Variants in CREM observed in about 807,000 individuals in gnomAD.
CREM encodes the protein cAMP responsive element modulator.
In CREM, 13 loss-of-function variants were observed where a neutral mutation model predicts 37.3. That is an observed-to-expected ratio of 0.35 (90% CI 0.23 to 0.55). CREM has a LOEUF of 0.55. Ranked by LOEUF, CREM falls within the 20% of genes least tolerant of loss-of-function variation. The pLI is 0.88. For synonymous variants in CREM, 124 were observed against 120.2 expected (o/e 1.03, Z -0.21); for missense variants, 296 against 362.3 (o/e 0.82, Z 1.49).
At chr10:35,198,665 ACT>A (rs2095290829) in intron 6 of CREM, among the ~76,000 whole-genome samples, 2 of 152,026 alleles carry the variant, frequency 1.3e-5, no homozygotes, top group Admixed American at 1.3e-4. Context: ...TATCTTTTAG[ACT>A]CTGAGTCTGA....
At chr10:35,170,791 TTTC>T (rs1302623477) in intron 3 of CREM, among the ~76,000 whole-genome samples, 1 of 152,116 alleles carries the variant, frequency 6.6e-6, no homozygotes, top group Non-Finnish European at 1.5e-5. Context: ...TCTTCTCTCT[TTTC>T]TTCTTTATTG....
chr10:35,185,181 C>T (rs1229235052), intron 5 of CREM, among the ~76,000 whole-genome samples: 2 of 151,478 alleles, frequency 1.3e-5, no homozygotes, highest in African/African-American at 2.4e-5. Flanking sequence ...CTGCTCACCG[C>T]AACCCCCGCC....
At chr10:35,129,299 TA>T (rs1024596397) in intron 1 of CREM, among the ~76,000 whole-genome samples, 1 of 152,234 alleles carries the variant, frequency 6.6e-6, no homozygotes, top group African/African-American at 2.4e-5. Context: ...CCCTGAAAGT[TA>T]ATGAAATTTA....
intron 3 of CREM, among the ~76,000 whole-genome samples, chr10:35,177,408 A>T (rs1038964553): frequency 1.3e-5 from 2 of 152,158 alleles, no homozygotes; most frequent in Non-Finnish European, 2.9e-5. Flanking sequence ...TGAGGTCCAC[A>T]TATTTCTACT....
At chr10:35,134,725 A>T (rs929053821) in intron 1 of CREM, among the ~76,000 whole-genome samples, 14 of 152,294 alleles carry the variant, frequency 9.2e-5, no homozygotes, top group African/African-American at 3.1e-4. Context: ...AGAAAGCTAT[A>T]TATTGAAGGA....
At position 35,179,193 on chromosome 10, in the gene CREM, G is replaced by A. The variant is rs1181261258; in HGVS notation, c.326G>A (p.Arg109Lys). Residue 109 changes from arginine to lysine, a missense_variant, in exon 5 of 8, where the codon AGA becomes AAA. Physicochemically the swap from Arg to Lys is conservative, Grantham distance 26. Coordinates refer to ENST00000685392, the MANE Select transcript of CREM (RefSeq NM_183011.2). The part of the protein sequence containing the change: ...VPGVPKIEEE[R>K]SEEEGTPPSI... ...GGTGTTCCCAAGATTGAAGAAGAGA[G>A]ATCAGAGGAAGAAGGAACACCACCT... 6.2e-7 allele frequency: 1 copy of A among 1,614,070 alleles called. No individual in the cohort carries two copies. Among genetic ancestry groups the A allele is most frequent in the Admixed American group, 1.7e-5 (1 of 59,998 alleles).
At chr10:35,195,894 T>C in intron 6 of CREM, 1 of 640,486 alleles carries the variant, frequency 1.6e-6, no homozygotes, top group Non-Finnish European at 2.7e-6. Flanking sequence ...TCAGTTCCTT[T>C]CCGCTTTGTA....
At chr10:35,195,492 C>CTCTTCTCTTCCCCTCT (rs1348440430) in intron 6 of CREM, among the ~76,000 whole-genome samples, 2 of 151,978 alleles carry the variant, frequency 1.3e-5, no homozygotes, top group Non-Finnish European at 2.9e-5. Context: ...TCTTCCCCTC[C>CTCTTCTCTTCCCCTCT]TCTTCTCTTC....
Position 35,178,932 on chromosome 10 carries a change from G to A in CREM, c.212G>A (p.Gly71Asp). The A allele has an allele frequency of 6.2e-7, 1 of 1,613,668 alleles. No homozygotes were observed. Among genetic ancestry groups the A allele is most frequent in the South Asian group, 1.1e-5 (1 of 90,914 alleles). The change falls in exon 4 of 8, where the codon GGT becomes GAT. Residue 71 changes from glycine to aspartate, a missense_variant. Gly to Asp is a moderately conservative substitution (Grantham distance 94). This residue lies in a region of CREM where 257 missense variants were observed against 280.2 expected (regional missense o/e 0.92). Coordinates refer to ENST00000685392, the MANE Select transcript of CREM (RefSeq NM_183011.2). ...AETDESAESE[G>D]VIDSHKRREI... ...ACAGATGAATCTGCAGAATCAGAAG[G>A]TGTAATTGATTCTCATAAACGTAGA... is the stretch of plus-strand genomic sequence containing the variant.
intron 1 of CREM, among the ~76,000 whole-genome samples, chr10:35,128,942 A>T (rs1182678380): frequency 6.6e-6 from 1 of 152,208 alleles, no homozygotes; most frequent in African/African-American, 2.4e-5. Context: ...ATTGCACACA[A>T]TATGTTTTGG....
chr10:35,146,835 G>GAT (rs1467057357), intron 2 of CREM, among the ~76,000 whole-genome samples: 1 of 152,078 alleles, frequency 6.6e-6, no homozygotes, highest in Non-Finnish European at 1.5e-5. Flanking sequence ...AAAGGCAGTA[G>GAT]GAAGTCAAAG....
rs373031958 is a variant in CREM at position 35,167,157 on chromosome 10, A to G, written c.169-11732A>G. 5.2e-4 allele frequency among the ~76,000 whole-genome samples: 79 copies of G among 152,310 alleles called. 1 individual carries two copies. In the Middle Eastern group the frequency reaches 0.01, roughly 20 times the overall value. ...CTCCGTCTCAGTGGGGGGAAAAAAAATTAAAGTGGAATATTTTACATCTTT... is the reference window on the plus strand; with the variant it reads ...CTCCGTCTCAGTGGGGGGAAAAAAAGTTAAAGTGGAATATTTTACATCTTT... On this transcript the variant is annotated intron_variant, in intron 3 of 7. Transcript: ENST00000685392.
chr10:35,195,691 C>T (rs755613407), intron 6 of CREM, among the ~76,000 whole-genome samples: 1 of 152,108 alleles, frequency 6.6e-6, no homozygotes, highest in Non-Finnish European at 1.5e-5. Flanking sequence ...AGGAAAAACC[C>T]GCGTGTTATG....
chr10:35,169,547 C>T (rs913893916), intron 3 of CREM, among the ~76,000 whole-genome samples: 11 of 152,292 alleles, frequency 7.2e-5, no homozygotes, highest in Middle Eastern at 3.4e-3. Context: ...CAAACAGGGA[C>T]AATATGACTT....
chr10:35,165,989 C>T (rs1226491166), intron 3 of CREM, among the ~76,000 whole-genome samples: 1 of 152,048 alleles, frequency 6.6e-6, no homozygotes, highest in African/African-American at 2.4e-5. Flanking sequence ...TTTTTAGAAA[C>T]ATGAAATTTG....
At chr10:35,183,333 A>G (rs1200311165) in intron 5 of CREM, among the ~76,000 whole-genome samples, 2 of 152,178 alleles carry the variant, frequency 1.3e-5, no homozygotes, top group Middle Eastern at 3.2e-3. Context: ...ATAAGCACCA[A>G]TTCAACTTCT....
intron 3 of CREM, chr10:35,171,273 G>A (rs992936615): frequency 7.2e-5 from 10 of 138,230 alleles, no homozygotes; most frequent in South Asian, 2.4e-4. Flanking sequence ...CTGGGTTCAA[G>A]AAATTCTCAT....
At chr10:35,198,785 T>C (rs1265918080) in intron 6 of CREM, among the ~76,000 whole-genome samples, 1 of 152,220 alleles carries the variant, frequency 6.6e-6, no homozygotes, top group Non-Finnish European at 1.5e-5. Context: ...TGCATGAGAA[T>C]AAGGATATAT....
chr10:35,172,822 A>G (rs1050289023), intron 3 of CREM, among the ~76,000 whole-genome samples: 1 of 152,188 alleles, frequency 6.6e-6, no homozygotes, highest in South Asian at 2.1e-4. Flanking sequence ...ATTTTCTTCA[A>G]AAGAATGACT....
Sources: allele counts gnomAD v4.1 joint callset (sites outside exome capture counted in the v4.1 genomes callset), GRCh38; gene constraint gnomAD v4.1.1; regional missense constraint gnomAD v4.1.1; transcripts MANE v1.5; gene names NCBI Gene and HGNC (gene_info 2026-07-23, HGNC 2026-07-21).